ZNF700: variants seen among roughly 807,000 people sequenced by gnomAD.
ZNF700 encodes the protein zinc finger protein 700.
A neutral mutation model predicts 65.3 loss-of-function variants in ZNF700; 38 were observed. That is an observed-to-expected ratio of 0.58 (90% CI 0.45 to 0.76). The LOEUF (loss-of-function observed/expected upper bound fraction) is 0.76. Ranked by LOEUF, ZNF700 falls within the 30% of genes least tolerant of loss-of-function variation. The probability of loss-of-function intolerance (pLI) is 0.00; values close to 1 mark genes in which losing one functional copy is unlikely to be tolerated. For missense variants in ZNF700, 857 were observed against 888.4 expected, an observed-to-expected ratio of 0.96 and a Z score of 0.45; for synonymous variants, 285 against 290.4, an observed-to-expected ratio of 0.98 and a Z score of 0.19.
Position 11,949,119 on chromosome 19 carries a change from GAT to G in ZNF700, c.1098_1099del (p.Ile366MetfsTer15), listed in dbSNP as rs780668696. On this transcript the variant is annotated frameshift_variant, in exon 4 of 4. Transcript: ENST00000254321. LOFTEE classifies it high-confidence loss of function. ...CTGGAGAAAGACCTTATAAATGTAA[GAT>G]ATGTGGGAAAGGCTTTTATTCTGCC... ...NSGERPYKCK[I>X]CGKGFYSAKS... The G allele has an allele frequency of 9.3e-6, 15 of 1,611,056 alleles. 1 individual carries two copies. The South Asian group carries it at 1.3e-4, about 14-fold the overall frequency.
At chr19:11,947,429 T>A in intron 2 of ZNF700, 85 bp from the exon 3 acceptor site, 11 of 1,600,134 alleles carry the variant, frequency 6.9e-6, no homozygotes, top group Non-Finnish European at 9.4e-6. Context: ...GAGGCATGGC[T>A]GCAGTAAATC....
At chr19:11,942,579 G>C (rs1972902295) in intron 1 of ZNF700, among the ~76,000 whole-genome samples, 1 of 152,188 alleles carries the variant, frequency 6.6e-6, no homozygotes. Flanking sequence ...CAGAGAGAGA[G>C]AAATTCCTGC....
At chr19:11,930,021 A>G (rs1317942306) in intron 1 of ZNF700, among the ~76,000 whole-genome samples, 1 of 148,012 alleles carries the variant, frequency 6.8e-6, no homozygotes, top group Non-Finnish European at 1.5e-5. Flanking sequence ...AGCTGACCCA[A>G]GACCCCCACA....
At chr19:11,936,376 C>A (rs1281027349) in intron 1 of ZNF700, among the ~76,000 whole-genome samples, 1 of 152,176 alleles carries the variant, frequency 6.6e-6, no homozygotes, top group East Asian at 1.9e-4. Context: ...TAATGATTGC[C>A]ATTCTAACTG....
chr19:11,928,332 C>G (rs1290099744), intron 1 of ZNF700, among the ~76,000 whole-genome samples: 2 of 152,154 alleles, frequency 1.3e-5, no homozygotes, highest in Non-Finnish European at 2.9e-5. Flanking sequence ...TCCCCCAGAG[C>G]TTGTTTTCTT....
intron 1 of ZNF700, among the ~76,000 whole-genome samples, chr19:11,937,301 A>C (rs951522941): frequency 2.0e-5 from 3 of 152,092 alleles, no homozygotes; most frequent in African/African-American, 2.4e-5. Flanking sequence ...TTGCTAATCC[A>C]GGTGTTTCAG....
intron 1 of ZNF700, among the ~76,000 whole-genome samples, chr19:11,932,995 T>A: frequency 6.7e-6 from 1 of 148,744 alleles, no homozygotes; most frequent in African/African-American, 2.6e-5. Flanking sequence ...TTACATGGAA[T>A]GATAGTTAAT....
intron 1 of ZNF700, among the ~76,000 whole-genome samples, chr19:11,928,586 G>T (rs1001919633): frequency 6.7e-6 from 1 of 149,574 alleles, no homozygotes; most frequent in South Asian, 2.1e-4. Flanking sequence ...CAAAAAATTA[G>T]CCGGGCGTAG....
chr19:11,935,481 C>T (rs1353441673), intron 1 of ZNF700, among the ~76,000 whole-genome samples: 1 of 152,030 alleles, frequency 6.6e-6, no homozygotes, highest in Non-Finnish European at 1.5e-5. Context: ...ATCCACCCAC[C>T]TCAGCCTCCC....
chr19:11,949,656 C>G lies in ZNF700; in HGVS notation c.1632C>G (p.Ala544=). 6.2e-7 allele frequency: 1 copy of G among 1,613,434 alleles called. No individual in the cohort carries two copies. Among genetic ancestry groups the G allele is most frequent in the Non-Finnish European group, 8.5e-7 (1 of 1,179,848 alleles). Residue 544 remains alanine, a synonymous_variant, in exon 4 of 4, where the codon GCC becomes GCG. Transcript: ENST00000254321. The part of the protein sequence containing the change: ...KPYECNQCGK[A]FRCCNSLRYH... ...ATGAATGCAACCAATGTGGTAAAGC[C>G]TTCAGATGTTGCAATTCCCTTCGAT...
At chr19:11,928,182 C>G (rs752480275) in intron 1 of ZNF700, among the ~76,000 whole-genome samples, 3 of 152,136 alleles carry the variant, frequency 2.0e-5, no homozygotes, top group Middle Eastern at 6.8e-3. Context: ...GGTTAGGTCT[C>G]GTTATGTTGC....
At chr19:11,939,531 G>T (rs1972847457) in intron 1 of ZNF700, among the ~76,000 whole-genome samples, 1 of 152,184 alleles carries the variant, frequency 6.6e-6, no homozygotes, top group South Asian at 2.1e-4. Flanking sequence ...AGATCAGATG[G>T]TTGTATATGT....
At chr19:11,936,156 A>G (rs1470417189) in intron 1 of ZNF700, among the ~76,000 whole-genome samples, 1 of 151,896 alleles carries the variant, frequency 6.6e-6, no homozygotes, top group Non-Finnish European at 1.5e-5. Context: ...TGAATAGTGA[A>G]TATTGCTTTA....
intron 1 of ZNF700, among the ~76,000 whole-genome samples, chr19:11,930,999 C>CA (rs754558706): frequency 0.023 from 2,525 of 109,886 alleles, 219 homozygotes; most frequent in African/African-American, 0.061. Flanking sequence ...AATTCCGTCT[C>CA]AAAAAAAAAA....
intron 1 of ZNF700, among the ~76,000 whole-genome samples, chr19:11,945,984 C>T (rs543760070): frequency 4.6e-5 from 7 of 152,134 alleles, no homozygotes; most frequent in Admixed American, 1.3e-4. Context: ...AGGGGGTGAC[C>T]GGGGTGGTTA....
chr19:11,947,184 C>A lies in ZNF700; in HGVS notation c.67C>A (p.Pro23Thr), dbSNP rs1188173474. The A allele has an allele frequency of 6.2e-7, 1 of 1,613,620 alleles. No individual in the cohort carries two copies. Among genetic ancestry groups the A allele is most frequent in the East Asian group, 2.2e-5 (1 of 44,876 alleles). The change falls in exon 2 of 4, where the codon CCA (proline) becomes ACA (threonine). Residue 23 changes from proline (P) to threonine (T), a missense_variant. Coordinates refer to ENST00000254321, the MANE Select transcript of ZNF700 (RefSeq NM_144566.3). ...CTACACATGTGAGATGTTTCAGGACCCAGTGGCCTTTGAGGATGTGGCTGT... is the reference window on the plus strand; with the variant it reads ...CTACACATGTGAGATGTTTCAGGACACAGTGGCCTTTGAGGATGTGGCTGT... ...PGTSESREMDPVAFEDVAVNF... is the reference protein window; with the variant it reads ...PGTSESREMDTVAFEDVAVNF...
chr19:11,947,653 C>T lies in ZNF700; in HGVS notation c.251+79C>T. 16 of 1,294,218 alleles carry T rather than the reference C, an allele frequency of 1.2e-5. No homozygotes were observed. In the South Asian group the frequency reaches 2.1e-4, roughly 17 times the overall value. 80.2% of individuals were successfully genotyped at this position (1,294,218 alleles called of 1,614,324 possible). On this transcript the variant is annotated intron_variant, in intron 3 of 3. Coordinates refer to ENST00000254321, the MANE Select transcript of ZNF700 (RefSeq NM_144566.3). ...GAGAATATGTTGAAGAGAAGTAAAA[C>T]AAAGAACTAAATCCAGCATCAAATT...
chr19:11,929,471 T>C (rs562784561), intron 1 of ZNF700, among the ~76,000 whole-genome samples: 1 of 148,588 alleles, frequency 6.7e-6, no homozygotes, highest in East Asian at 1.9e-4. Context: ...CCTGACTCAT[T>C]TGTTCAAACA....
chr19:11,928,983 C>T (rs1327449807), intron 1 of ZNF700, among the ~76,000 whole-genome samples: 5 of 147,368 alleles, frequency 3.4e-5, no homozygotes, highest in Non-Finnish European at 7.4e-5. Context: ...TCCTGTTTCC[C>T]TTCAGTCATT....
Sources: allele counts gnomAD v4.1 joint callset (sites outside exome capture counted in the v4.1 genomes callset), GRCh38; gene constraint gnomAD v4.1.1; transcripts MANE v1.5; gene names NCBI Gene and HGNC (gene_info 2026-07-23, HGNC 2026-07-21).